G3BP2: variants seen among roughly 807,000 people sequenced by gnomAD.
The protein encoded by G3BP2 is ras GTPase-activating protein-binding protein 2.
In G3BP2, 11 loss-of-function variants were observed where a neutral mutation model predicts 56.7. That is an observed-to-expected ratio of 0.19 (90% CI 0.12 to 0.32). The LOEUF is 0.32. G3BP2 is among the 10% of genes least tolerant of loss of function. G3BP2 has a pLI of 1.00. For missense variants in G3BP2, 340 were observed against 610.9 expected (o/e 0.56, Z 4.67); for synonymous variants, 165 against 191.6 (o/e 0.86, Z 1.15).
At chr4:75,660,511 T>C (rs1732467223) in intron 2 of G3BP2, among the ~76,000 whole-genome samples, 1 of 152,212 alleles carries the variant, frequency 6.6e-6, no homozygotes, top group South Asian at 2.1e-4. Flanking sequence ...GTCTAATAGG[T>C]AGAGAGCTAA....
chr4:75,686,265 T>C (rs1718598931), intron 3 of G3BP2, among the ~76,000 whole-genome samples: 1 of 152,108 alleles, frequency 6.6e-6, no homozygotes, highest in Non-Finnish European at 1.5e-5. Flanking sequence ...GTCATGTAGT[T>C]AATCATATTA....
intron 3 of G3BP2, among the ~76,000 whole-genome samples, chr4:75,711,756 G>A (rs954390038): frequency 6.6e-6 from 1 of 151,858 alleles, no homozygotes; most frequent in African/African-American, 2.4e-5. Flanking sequence ...AAGGAAGAAT[G>A]AAAGGGAAGG....
intron 3 of G3BP2, among the ~76,000 whole-genome samples, chr4:75,696,927 T>C (rs1719142415): frequency 6.6e-6 from 1 of 152,182 alleles, no homozygotes. Context: ...AAAGACAAGC[T>C]GAAGAAAATC....
intron 3 of G3BP2, among the ~76,000 whole-genome samples, chr4:75,717,402 T>C (rs1719970914): frequency 6.6e-6 from 1 of 152,140 alleles, no homozygotes; most frequent in Admixed American, 6.5e-5. Context: ...CTTGGAAGTG[T>C]GGGCTGACTT....
chr4:75,649,784 C>T (rs982893836), intron 8 of G3BP2, among the ~76,000 whole-genome samples: 16 of 152,158 alleles, frequency 1.1e-4, no homozygotes, highest in Admixed American at 2.0e-4. Flanking sequence ...CCAAGCTGCG[C>T]GGATCACCTG....
chr4:75,674,718 ATTT>A (rs71203842), upstream of G3BP2, among the ~76,000 whole-genome samples: 1,901 of 71,222 alleles, frequency 0.027, 34 homozygotes, highest in Middle Eastern at 0.04. Flanking sequence ...ATATATATAT[ATTT>A]TTTTTTTTTT....
At position 75,710,723 on chromosome 4, in the gene G3BP2, G is replaced by A. The variant is rs181308815; in HGVS notation, c.-25+10154C>T. Among the ~76,000 whole-genome samples the A allele has an allele frequency of 2.8e-3, 423 of 151,924 alleles. 2 individuals carry two copies. Among genetic ancestry groups the A allele is most frequent in the South Asian group, 8.5e-3 (41 of 4,812 alleles). ...ACTTTGTTGCCCAGGCTAGAGTGCAGTAGTGTAATAATAGCTCACTACATC... is the reference window on the plus strand; with the variant it reads ...ACTTTGTTGCCCAGGCTAGAGTGCAATAGTGTAATAATAGCTCACTACATC... On this transcript the variant is annotated intron_variant, in intron 3 of 3. Coordinates refer to the G3BP2 transcript ENST00000499709.
intron 1 of G3BP2, chr4:75,672,429 A>C (rs1482967660): frequency 6.6e-6 from 1 of 152,164 alleles, no homozygotes; most frequent in Non-Finnish European, 1.5e-5. Context: ...AAAAGCGGGA[A>C]CCCATCCCCC....
intron 1 of G3BP2, among the ~76,000 whole-genome samples, chr4:75,665,642 C>A (rs80066925): frequency 3.8e-5 from 1 of 26,074 alleles, no homozygotes; most frequent in Non-Finnish European, 8.8e-5. Context: ...CACACACACA[C>A]AAACACACAA....
intron 3 of G3BP2, among the ~76,000 whole-genome samples, chr4:75,719,034 G>C (rs1720039220): frequency 6.6e-6 from 1 of 152,130 alleles, no homozygotes; most frequent in South Asian, 2.1e-4. Flanking sequence ...AGACTTACAG[G>C]GTAATATCTT....
In G3BP2 at chr4:75,645,707, A is replaced by G. The variant is rs1731165516; in HGVS notation, c.1177-5T>C. On this transcript the variant is annotated splice_region_variant and splice_polypyrimidine_tract_variant and intron_variant, in intron 11 of 11. Coordinates refer to ENST00000359707, the MANE Select transcript of G3BP2 (RefSeq NM_203505.3). ...TTCCCCTCGAAACATAATCGGCTTT[A>G]TAAAAGAGAAGAAAAATATTTACAT... The G allele has an allele frequency of 2.5e-6, 4 of 1,612,128 alleles. No homozygotes were observed. The African/African-American group carries it at 4.0e-5, about 16-fold the overall frequency.
intron 8 of G3BP2, among the ~76,000 whole-genome samples, chr4:75,652,304 C>T (rs1731754257): frequency 6.6e-6 from 1 of 152,134 alleles, no homozygotes; most frequent in Non-Finnish European, 1.5e-5. Context: ...CATGACTCTG[C>T]AGCAAGGTGC....
At chr4:75,719,831 C>T (rs982301315) in intron 3 of G3BP2, among the ~76,000 whole-genome samples, 1 of 151,950 alleles carries the variant, frequency 6.6e-6, no homozygotes, top group Admixed American at 6.6e-5. Flanking sequence ...TCAGGTGATC[C>T]ACCCGCCTCG....
chr4:75,673,598 G>C (rs781046098), upstream of G3BP2: 2 of 1,231,734 alleles, frequency 1.6e-6, no homozygotes, highest in South Asian at 4.1e-5. Flanking sequence ...GGAAAGCCGG[G>C]GAACCGGAAC....
At chr4:75,684,100 A>G (rs1718465059) in intron 3 of G3BP2, among the ~76,000 whole-genome samples, 2 of 152,190 alleles carry the variant, frequency 1.3e-5, no homozygotes, top group Non-Finnish European at 2.9e-5. Flanking sequence ...CAGAACTGGA[A>G]AAAGATATTA....
intron 1 of G3BP2, among the ~76,000 whole-genome samples, chr4:75,667,165 C>T (rs569453308): frequency 5.9e-5 from 9 of 151,844 alleles, no homozygotes; most frequent in East Asian, 3.9e-4. Flanking sequence ...AGTGTGCAAG[C>T]GTAGCTCCAG....
At chr4:75,678,158 G>A (rs1006782966), upstream of G3BP2, among the ~76,000 whole-genome samples, 7 of 152,142 alleles carry the variant, frequency 4.6e-5, no homozygotes, top group Middle Eastern at 3.2e-3. Flanking sequence ...TGTTGTTGTT[G>A]TTGTTGTTGT....
At chr4:75,688,069 T>C (rs1282803775) in intron 3 of G3BP2, among the ~76,000 whole-genome samples, 2 of 152,244 alleles carry the variant, frequency 1.3e-5, no homozygotes, top group Non-Finnish European at 2.9e-5. Flanking sequence ...ATACTGCCAC[T>C]GGACTCTCTC....
chr4:75,697,178 G>A (rs1194862730), intron 3 of G3BP2, among the ~76,000 whole-genome samples: 1 of 150,176 alleles, frequency 6.7e-6, no homozygotes, highest in East Asian at 2.0e-4. Context: ...GGAGGCTGAG[G>A]CAGGAGAATG....
Sources: gnomAD v4.1 joint callset for allele counts (sites outside exome capture counted in the v4.1 genomes callset) on GRCh38, gnomAD v4.1.1 for gene constraint, MANE v1.5 for transcripts, NCBI Gene and HGNC (gene_info 2026-07-23, HGNC 2026-07-21) for gene names.